CRISPLD2: variants seen among roughly 807,000 people sequenced by gnomAD.
The protein encoded by CRISPLD2 is cysteine-rich secretory protein LCCL domain-containing 2.
CRISPLD2 carries 47 observed loss-of-function variants against 71.1 expected under a neutral mutation model. The ratio of observed to expected loss-of-function variants is 0.66; its 90% CI spans 0.52 to 0.84. CRISPLD2 has a LOEUF of 0.84. Ranked by LOEUF, CRISPLD2 falls within the 40% of genes least tolerant of loss-of-function variation. CRISPLD2 has a pLI of 0.00. For missense variants in CRISPLD2, 830 were observed against 651.1 expected (o/e 1.27, Z -2.99); for synonymous variants, 317 against 250.1 (o/e 1.27, Z -2.52).
chr16:84,874,487 C>G (rs935919582), intron 11 of CRISPLD2, among the ~76,000 whole-genome samples: 10 of 152,132 alleles, frequency 6.6e-5, no homozygotes, highest in Non-Finnish European at 1.5e-4. Context: ...GATGGGCGAG[C>G]ACACTCCAAC....
chr16:84,894,249 G>A (rs1019932106), intron 14 of CRISPLD2, among the ~76,000 whole-genome samples: 8 of 152,336 alleles, frequency 5.3e-5, no homozygotes, highest in South Asian at 2.1e-4. Context: ...ATACTGGGAC[G>A]AAGGTGTCTG....
intron 3 of CRISPLD2, among the ~76,000 whole-genome samples, chr16:84,848,368 G>T (rs891094899): frequency 1.3e-5 from 2 of 152,204 alleles, no homozygotes; most frequent in Admixed American, 1.3e-4. Flanking sequence ...TCCCCCGTGA[G>T]CATTTTCTCT....
In CRISPLD2 at chr16:84,908,450, G is replaced by C. The variant is rs114539523; in HGVS notation, c.*1808G>C. The C allele has an allele frequency of 1.3e-5, 2 of 152,358 alleles. No individual in the cohort carries two copies. Among genetic ancestry groups the C allele is most frequent in the African/African-American group, 2.4e-5 (1 of 41,426 alleles). The allele number at this position is 152,358 out of a possible 1,614,324, so 9.4% of individuals were successfully genotyped here. On this transcript the variant is annotated 3_prime_UTR_variant, in exon 15 of 15. Transcript: ENST00000262424. ...CTGCTGGACTTTTGTGGCTGTGTCT[G>C]TGTCTGCAAGATAAATTAGATCGCC...
rs2143406909 is a variant in CRISPLD2 at position 84,908,199 on chromosome 16, C to G, written c.*1557C>G. The G allele has an allele frequency of 6.6e-6, 1 of 152,272 alleles. No individual in the cohort carries two copies. The highest frequency in any genetic ancestry group is 1.5e-5 in the Non-Finnish European group (1 of 67,988). The allele number at this position is 152,272 out of a possible 1,614,324, so 9.4% of individuals were successfully genotyped here. On this transcript the variant is annotated 3_prime_UTR_variant, in exon 15 of 15. Transcript: ENST00000262424. ...GAAGGTAAATAGGTTTAAAACAAAA[C>G]AAAAACCCACCCCTTTAAGGAGTTG...
At chr16:84,881,323 A>G (rs993156709) in intron 13 of CRISPLD2, among the ~76,000 whole-genome samples, 5 of 152,236 alleles carry the variant, frequency 3.3e-5, no homozygotes, top group Non-Finnish European at 7.3e-5. Context: ...CTGCTTGTTG[A>G]TAGCCACTCT....
chr16:84,844,431 G>A (rs757932959), intron 2 of CRISPLD2, among the ~76,000 whole-genome samples: 33 of 152,080 alleles, frequency 2.2e-4, no homozygotes, highest in Admixed American at 3.3e-4. Context: ...TCACACTGTT[G>A]TGCAACCATC....
At chr16:84,873,821 C>A in intron 10 of CRISPLD2, 99 bp from the exon 11 acceptor site, 2 of 1,126,328 alleles carry the variant, frequency 1.8e-6, no homozygotes, top group Non-Finnish European at 2.5e-6. Flanking sequence ...GAAGTCGAGA[C>A]TGCAAATAAG....
At position 84,908,546 on chromosome 16, in the gene CRISPLD2, C is replaced by T. The variant is rs374745761; in HGVS notation, c.*1904C>T. ...GGGCTCGCTTCCAAAGCATCCCACT[C>T]AAGGGAGACTTGAAACTTCCAGTGT... On this transcript the variant is annotated 3_prime_UTR_variant, in exon 15 of 15. Coordinates refer to ENST00000262424, the MANE Select transcript of CRISPLD2 (RefSeq NM_031476.4). 6.6e-6 allele frequency: 1 copy of T among 152,194 alleles called. No homozygotes were observed. 9.4% of individuals were successfully genotyped at this position (152,194 alleles called of 1,614,324 possible).
intron 1 of CRISPLD2, among the ~76,000 whole-genome samples, chr16:84,825,642 G>C (rs960798220): frequency 3.3e-5 from 5 of 152,080 alleles, no homozygotes; most frequent in Admixed American, 3.3e-4. Context: ...TGTAATCCCA[G>C]CTACTTGGGA....
intron 1 of CRISPLD2, among the ~76,000 whole-genome samples, chr16:84,821,265 G>A (rs975014733): frequency 6.6e-6 from 1 of 152,204 alleles, no homozygotes; most frequent in African/African-American, 2.4e-5. Context: ...CTGAGGCCAT[G>A]AGTTGTGACT....
intron 3 of CRISPLD2, 199 bp downstream of exon 3, chr16:84,846,103 C>G (rs896872021): frequency 1.7e-5 from 8 of 477,484 alleles, no homozygotes; most frequent in Non-Finnish European, 2.6e-5. Flanking sequence ...GCTTGGTTGG[C>G]TGACCCCAGA....
intron 12 of CRISPLD2, 122 bp from the exon 13 acceptor site, chr16:84,880,387 A>G: frequency 1.5e-6 from 1 of 677,072 alleles, no homozygotes; most frequent in South Asian, 2.6e-5. Flanking sequence ...AATGAGGAAA[A>G]CTGTATGGCG....
rs778841679 is a variant in CRISPLD2, at chr16:84,838,550, G to A, written c.55G>A (p.Gly19Arg). 6.2e-6 allele frequency: 10 copies of A among 1,614,184 alleles called. No individual in the cohort carries two copies. The highest frequency in any genetic ancestry group is 2.2e-5 in the South Asian group (2 of 91,090). ...IPLGLLFLVC[G>R]SQGYLLPNVT... ...CTTGGGGCTGCTGTTCCTGGTCTGC[G>A]GATCCCAAGGCTACCTCCTGCCCAA... is the stretch of plus-strand genomic sequence containing the variant. The change falls in exon 2 of 15, where the codon GGA becomes AGA. Residue 19 changes from glycine to arginine, a missense_variant. Gly to Arg is a moderately radical substitution (Grantham distance 125). Coordinates refer to ENST00000262424, the MANE Select transcript of CRISPLD2 (RefSeq NM_031476.4).
rs781524453 is a variant in CRISPLD2, at chr16:84,850,628, G to C, written c.553G>C (p.Val185Leu). Residue 185 changes from valine (V) to leucine (L), a missense_variant, in exon 5 of 15, where the codon GTC (valine) becomes CTC (leucine). Coordinates refer to ENST00000262424, the MANE Select transcript of CRISPLD2 (RefSeq NM_031476.4). ...TGTGAACACCTGCCGGAAGATGACT[G>C]TCTGGGGAGAAGTTTGGGAGAACGC... is the stretch of plus-strand genomic sequence containing the variant. ...CAVNTCRKMT[V>L]WGEVWENAVY... 1.9e-6 allele frequency: 3 copies of C among 1,614,040 alleles called. No homozygotes were observed. The highest frequency in any genetic ancestry group is 4.5e-5 in the East Asian group (2 of 44,892).
At chr16:84,873,855 C>T (rs993779287) in intron 10 of CRISPLD2, 65 bp from the exon 11 acceptor site, 24 of 1,451,772 alleles carry the variant, frequency 1.7e-5, no homozygotes, top group Non-Finnish European at 2.2e-5. Context: ...CAAGCGTTCA[C>T]TTTTAGAAGC....
chr16:84,839,810 T>A (rs1162468131), intron 2 of CRISPLD2: 1 of 151,998 alleles, frequency 6.6e-6, no homozygotes, highest in Non-Finnish European at 1.5e-5. Context: ...GGTAACATGG[T>A]AAAGCCCCGT....
chr16:84,870,346 G>A (rs1015384815), intron 8 of CRISPLD2, among the ~76,000 whole-genome samples: 16 of 151,196 alleles, frequency 1.1e-4, no homozygotes, highest in Non-Finnish European at 1.3e-4. Flanking sequence ...TTGAGTTGGA[G>A]TCTTGCTCTG....
intron 12 of CRISPLD2, 69 bp from the exon 13 acceptor site, chr16:84,880,440 A>T: frequency 8.0e-7 from 1 of 1,245,622 alleles, no homozygotes; most frequent in Non-Finnish European, 1.1e-6. Flanking sequence ...ATTCAAATAA[A>T]GAGAGCCAGC....
At chr16:84,890,861 A>G (rs1361008133) in intron 14 of CRISPLD2, among the ~76,000 whole-genome samples, 4 of 152,176 alleles carry the variant, frequency 2.6e-5, no homozygotes, top group African/African-American at 9.6e-5. Flanking sequence ...GCCTTTCCTG[A>G]GTGTCATTCA....
Sources: gnomAD v4.1 joint callset for allele counts (sites outside exome capture counted in the v4.1 genomes callset) on GRCh38, gnomAD v4.1.1 for gene constraint, MANE v1.5 for transcripts, NCBI Gene and HGNC (gene_info 2026-07-23, HGNC 2026-07-21) for gene names.